The following PTCD3 variants were observed in gnomAD, a reference collection of about 807,000 sequenced individuals.
The protein encoded by PTCD3 is pentatricopeptide repeat domain 3, also known as small ribosomal subunit protein mS39.
In PTCD3, 89 loss-of-function variants were observed where a neutral mutation model predicts 101.9. The ratio of observed to expected loss-of-function variants is 0.87; its 90% confidence interval spans 0.74 to 1.04. The LOEUF (loss-of-function observed/expected upper bound fraction) is 1.04. Among genes scored for constraint, PTCD3 ranks in the 50% least tolerant of loss-of-function variants. The pLI, the probability that PTCD3 is intolerant of heterozygous loss-of-function variation, is 0.00. For synonymous variants in PTCD3, 296 were observed against 278.5 expected (o/e 1.06, Z -0.63); for missense variants, 870 against 828.2 (o/e 1.05, Z -0.62).
chr2:86,127,133 A>G (rs1674410396), intron 12 of PTCD3, 28 bp from the exon 13 acceptor site: 1 of 1,588,066 alleles, frequency 6.3e-7, no homozygotes, highest in African/African-American at 1.4e-5. Flanking sequence ...CAGGCATGAA[A>G]GATACTTCTT....
chr2:86,137,685 CT>C lies in PTCD3; in HGVS notation c.*127del. 7.1e-7 allele frequency: 1 copy of C among 1,403,212 alleles called. No individual in the cohort carries two copies. 86.9% of individuals were successfully genotyped at this position (1,403,212 alleles called of 1,614,324 possible). Reference sequence around the variant, plus strand: ...AGATACAGATTTGGTGAATTTGTTACTGTGAGGTACAGTCAGTACACAGCTG... The same window carrying C: ...AGATACAGATTTGGTGAATTTGTTACGTGAGGTACAGTCAGTACACAGCTG... On this transcript the variant is annotated 3_prime_UTR_variant, in exon 24 of 24. Transcript: ENST00000254630.
chr2:86,119,191 T>C (rs1218091934), intron 7 of PTCD3, 147 bp downstream of exon 7: 3 of 1,031,206 alleles, frequency 2.9e-6, no homozygotes, highest in Admixed American at 6.3e-5. Context: ...TTTAGTAGTT[T>C]ATTTCATTTT....
At chr2:86,106,536 C>T (rs1673953886) in intron 1 of PTCD3, among the ~76,000 whole-genome samples, 185 bp downstream of exon 1, 1 of 152,206 alleles carries the variant, frequency 6.6e-6, no homozygotes, top group African/African-American at 2.4e-5. Context: ...CGCATTTATT[C>T]ATTAGAGAAA....
At chr2:86,120,199 T>A (rs921244433) in intron 7 of PTCD3, among the ~76,000 whole-genome samples, 2 of 152,192 alleles carry the variant, frequency 1.3e-5, no homozygotes, top group Admixed American at 6.5e-5. Flanking sequence ...GCATTGAAGT[T>A]CTTAGTGCTA....
In PTCD3 at chr2:86,127,978, G is replaced by C. The variant is rs773927496; in HGVS notation, c.1134G>C (p.Leu378=). ...SLATYHHIIR[L]FDQPGDPLKR... ...CAACATATCACCATATTATTCGCCTGTTTGATCAACCTGGTATGTATGGCC... is the reference window on the plus strand; with the variant it reads ...CAACATATCACCATATTATTCGCCTCTTTGATCAACCTGGTATGTATGGCC... The change falls in exon 14 of 24, where the codon CTG becomes CTC. Residue 378 remains leucine, a synonymous_variant. Transcript: ENST00000254630. 1.9e-6 allele frequency: 3 copies of C among 1,608,762 alleles called. No homozygotes were observed. The highest frequency in any genetic ancestry group is 1.7e-6 in the Non-Finnish European group (2 of 1,175,358).
In PTCD3 at chr2:86,133,432, G is replaced by T; in HGVS notation, c.1539G>T (p.Trp513Cys). The T allele has an allele frequency of 6.2e-7, 1 of 1,612,088 alleles. No individual in the cohort carries two copies. Among genetic ancestry groups the T allele is most frequent in the South Asian group, 1.1e-5 (1 of 91,012 alleles). ...GGCTAGAAGTGATTCCTAAAATTTG[G>T]AAAGGTCAGTTTTACTTTTTATGTG... ...ANRLEVIPKI[W>C]KDSKEYGHTF... Residue 513 changes from tryptophan (W) to cysteine (C), a missense_variant, in exon 19 of 24, where the codon TGG (tryptophan) becomes TGT (cysteine). By Grantham distance (215) the Trp-to-Cys change is radical. Transcript: ENST00000254630.
chr2:86,106,396 C>T (rs776062956), intron 1 of PTCD3, 45 bp downstream of exon 1: 12 of 1,576,712 alleles, frequency 7.6e-6, no homozygotes, highest in Admixed American at 3.5e-5. Context: ...GCGGAGTCAC[C>T]TTAGTCCTAT....
intron 9 of PTCD3, among the ~76,000 whole-genome samples, 161 bp from the exon 10 acceptor site, chr2:86,124,834 A>G (rs867140931): frequency 2.8e-4 from 42 of 152,312 alleles, no homozygotes; most frequent in African/African-American, 9.6e-4. Flanking sequence ...GATTTTCCCC[A>G]TTTTCAAAAT....
At position 86,137,908 on chromosome 2, in the gene PTCD3, C is replaced by G. The variant is rs549566225; in HGVS notation, c.*349C>G. On this transcript the variant is annotated 3_prime_UTR_variant, in exon 24 of 24. Transcript: ENST00000254630. The stretch of plus-strand genomic sequence containing the variant: ...TGCTGTCCTCGTGCGATTGCCCTCT[C>G]CTGCTGCTGGACTTCTGCCTTTGTT... The G allele has an allele frequency of 3.2e-4, 77 of 237,116 alleles. No homozygotes were observed. Among genetic ancestry groups the G allele is most frequent in the African/African-American group, 1.6e-3 (73 of 45,284 alleles). 14.7% of individuals were successfully genotyped at this position (237,116 alleles called of 1,614,324 possible).
At chr2:86,120,946 T>A (rs17584697) in intron 7 of PTCD3, among the ~76,000 whole-genome samples, 4 of 152,222 alleles carry the variant, frequency 2.6e-5, no homozygotes, top group East Asian at 1.9e-4. Context: ...TATCTCATAC[T>A]TGTCTTCCTC....
chr2:86,133,757 G>A (rs780651793), intron 19 of PTCD3, among the ~76,000 whole-genome samples: 10 of 152,162 alleles, frequency 6.6e-5, no homozygotes, highest in Admixed American at 2.0e-4. Flanking sequence ...TCTTTGACCC[G>A]GAAGCCTGTG....
chr2:86,106,366 G>A lies in PTCD3; in HGVS notation c.104+15G>A, dbSNP rs757514687. ...CGCAGCTGCAGGTAAGAGACGCTTA[G>A]GGTATCCGCGAAGAAGACCGCGGAG... On this transcript the variant is annotated intron_variant, in intron 1 of 23. Coordinates refer to ENST00000254630, the MANE Select transcript of PTCD3 (RefSeq NM_017952.6). 3.7e-6 allele frequency: 6 copies of A among 1,611,102 alleles called. No individual in the cohort carries two copies. The highest frequency in any genetic ancestry group is 3.4e-5 in the Admixed American group (2 of 59,596).
At chr2:86,121,884 A>G (rs1674290231) in intron 8 of PTCD3, among the ~76,000 whole-genome samples, 1 of 152,208 alleles carries the variant, frequency 6.6e-6, no homozygotes, top group Admixed American at 6.5e-5. Context: ...GAGTAATGAC[A>G]TGATGTATTC....
chr2:86,119,261 T>C, intron 7 of PTCD3: 1 of 585,700 alleles, frequency 1.7e-6, no homozygotes, highest in Non-Finnish European at 2.8e-6. Flanking sequence ...GTTGGTTTAT[T>C]GTAGCACTGG....
At chr2:86,118,831 G>C (rs536654523) in intron 6 of PTCD3, 90 bp from the exon 7 acceptor site, 10 of 1,404,060 alleles carry the variant, frequency 7.1e-6, no homozygotes, top group Admixed American at 6.6e-5. Flanking sequence ...TTTTACTTTG[G>C]TATGTTGGTG....
At chr2:86,108,203 C>T (rs936460447) in intron 1 of PTCD3, 147 bp from the exon 2 acceptor site, 3 of 824,932 alleles carry the variant, frequency 3.6e-6, no homozygotes, top group Non-Finnish European at 5.7e-6. Context: ...AACATGTGTA[C>T]AGACTGTCTT....
chr2:86,119,203 A>G (rs1674236697), intron 7 of PTCD3, 159 bp downstream of exon 7: 3 of 956,452 alleles, frequency 3.1e-6, no homozygotes, highest in Admixed American at 6.5e-5. Flanking sequence ...TTTCATTTTT[A>G]GCTTTAGTGT....
At chr2:86,109,649 G>T (rs906690790) in intron 3 of PTCD3, among the ~76,000 whole-genome samples, 6 of 152,202 alleles carry the variant, frequency 3.9e-5, no homozygotes, top group Non-Finnish European at 7.3e-5. Context: ...GGCAGAATCA[G>T]AATTGGAAAT....
At chr2:86,126,540 C>T (rs1307082029) in intron 12 of PTCD3, among the ~76,000 whole-genome samples, 2 of 152,058 alleles carry the variant, frequency 1.3e-5, no homozygotes, top group South Asian at 4.1e-4. Flanking sequence ...CGCCTAGTAA[C>T]TTAAGAATAG....
Sources: gnomAD v4.1 joint callset for allele counts (sites outside exome capture counted in the v4.1 genomes callset) on GRCh38, gnomAD v4.1.1 for gene constraint, MANE v1.5 for transcripts, NCBI Gene and HGNC (gene_info 2026-07-23, HGNC 2026-07-21) for gene names.